Variants in MYEF2 observed in about 807,000 individuals in gnomAD.
MYEF2 encodes myelin expression factor 2, also known as myelin gene expression factor 2.
A neutral mutation model predicts 75.2 loss-of-function variants in MYEF2; 37 were observed. The ratio of observed to expected loss-of-function variants is 0.49; its 90% CI spans 0.38 to 0.65. The LOEUF is 0.65. MYEF2 is among the 30% of genes least tolerant of loss of function. The pLI, the probability that MYEF2 is intolerant of heterozygous loss-of-function variation, is 0.00. For missense variants in MYEF2, 634 were observed against 771.4 expected, an observed-to-expected ratio of 0.82 and a Z score of 2.11; for synonymous variants, 195 against 241.6, an observed-to-expected ratio of 0.81 and a Z score of 1.79.
rs1209281457 is a variant in MYEF2, at chr15:48,141,965, T to G, written c.*943A>C. ...AAAGTATCCAGTGTTTCTTTTCTTA[T>G]GAAGATTATTAATAAAACACAGTAT... On this transcript the variant is annotated 3_prime_UTR_variant, in exon 17 of 17. Coordinates refer to ENST00000324324, the MANE Select transcript of MYEF2 (RefSeq NM_016132.5). The G allele has an allele frequency of 1.2e-5, 14 of 1,203,768 alleles. No homozygotes were observed. In the Admixed American group the frequency reaches 1.7e-4, roughly 15 times the overall value. 74.6% of individuals were successfully genotyped at this position (1,203,768 alleles called of 1,614,324 possible). A position where few individuals can be genotyped will look rare whatever the true frequency, so the allele number is the denominator to read the frequency against.
chr15:48,178,272 C>T lies in MYEF2; in HGVS notation c.-35G>A. 7.3e-7 allele frequency: 1 copy of T among 1,367,804 alleles called. No homozygotes were observed. The highest frequency in any genetic ancestry group is 9.4e-7 in the Non-Finnish European group (1 of 1,064,396). 84.7% of individuals were successfully genotyped at this position (1,367,804 alleles called of 1,614,324 possible). A position where few individuals can be genotyped will look rare whatever the true frequency, so the allele number is the denominator to read the frequency against. ...GCTGCCTCCGCCTCGGCCGCCTGAG[C>T]TGAGGGGCTCCGAGCGCGACAATGG... is the stretch of plus-strand genomic sequence containing the variant. On this transcript the variant is annotated 5_prime_UTR_variant, in exon 1 of 17. Transcript: ENST00000324324.
At chr15:48,167,483 C>A in intron 2 of MYEF2, 82 bp from the exon 3 acceptor site, 6 of 1,276,468 alleles carry the variant, frequency 4.7e-6, no homozygotes, top group Non-Finnish European at 6.8e-6. Context: ...CACCTGTGCA[C>A]AACTCTACAG....
At chr15:48,155,130 T>G (rs916505032) in intron 9 of MYEF2, among the ~76,000 whole-genome samples, 4 of 151,920 alleles carry the variant, frequency 2.6e-5, no homozygotes, top group Non-Finnish European at 5.9e-5. Context: ...TGAAAAAAAC[T>G]ATCAAAGTGA....
In MYEF2 at chr15:48,153,830, A is replaced by C; in HGVS notation, c.1049T>G (p.Leu350Trp). The C allele has an allele frequency of 6.2e-7, 1 of 1,613,504 alleles. No individual in the cohort carries two copies. The highest frequency in any genetic ancestry group is 8.5e-7 in the Non-Finnish European group (1 of 1,179,612). The change falls in exon 10 of 17, where the codon TTG becomes TGG. Residue 350 changes from leucine to tryptophan, a missense_variant. By Grantham distance (61) the Leu-to-Trp change is moderately conservative (BLOSUM62 -2). Transcript: ENST00000324324. ...PGGQPISASQ[L>W]NIGGVMGNLG... ...ATTTCCCATTACTCCACCTATGTTC[A>C]ACTGGCTGGCACTAATAGGCTGTCC...
intron 1 of MYEF2, among the ~76,000 whole-genome samples, chr15:48,176,014 A>G (rs1053389561): frequency 6.6e-6 from 1 of 152,156 alleles, no homozygotes; most frequent in Non-Finnish European, 1.5e-5. Flanking sequence ...CCCACCCTCA[A>G]TAACTATGGA....
At position 48,136,777 on chromosome 15, in the gene MYEF2, A is replaced by C. The variant is rs373460072; in HGVS notation, c.*6131T>G. ...TAACCAATATATTATAAAGAAATGC[A>C]GTCCTTGCTGCGCCTGTCTTGCCAA... On this transcript the variant is annotated 3_prime_UTR_variant, in exon 17 of 17. Transcript: ENST00000324324. 10 of 1,613,644 alleles carry C rather than the reference A, an allele frequency of 6.2e-6. No individual in the cohort carries two copies. In the African/African-American group the frequency reaches 1.2e-4, roughly 19 times the overall value.
rs2039011663 is a variant in MYEF2 at position 48,139,949 on chromosome 15, A to G, written c.*2959T>C. ...TACATTGGCAAAGCTGAATAACTGC[A>G]ACAGAAATCACACAGCCTGCAAAGC... is the stretch of plus-strand genomic sequence containing the variant. On this transcript the variant is annotated 3_prime_UTR_variant, in exon 17 of 17. Coordinates refer to ENST00000324324, the MANE Select transcript of MYEF2 (RefSeq NM_016132.5). 1 of 152,128 alleles carries G rather than the reference A, an allele frequency of 6.6e-6. No individual in the cohort carries two copies. The highest frequency in any genetic ancestry group is 2.4e-5 in the African/African-American group (1 of 41,440). The allele number at this position is 152,128 out of a possible 1,614,324, so 9.4% of individuals were successfully genotyped here. A position where few individuals can be genotyped will look rare whatever the true frequency, so the allele number is the denominator to read the frequency against.
chr15:48,138,949 G>C lies in MYEF2; in HGVS notation c.*3959C>G. ...TAGCCATTTGAGAAAACTCAAAAGT[G>C]TTTACTTTTTCCACAACAGATCCAC... is the stretch of plus-strand genomic sequence containing the variant. On this transcript the variant is annotated 3_prime_UTR_variant, in exon 17 of 17. Coordinates refer to ENST00000324324, the MANE Select transcript of MYEF2 (RefSeq NM_016132.5). 2 of 1,584,054 alleles carry C rather than the reference G, an allele frequency of 1.3e-6. No individual in the cohort carries two copies. The highest frequency in any genetic ancestry group is 1.7e-6 in the Non-Finnish European group (2 of 1,161,652).
At position 48,141,296 on chromosome 15, in the gene MYEF2, C is replaced by CGAGGGAGGAGCCAAGATGGCCGAAT; in HGVS notation, c.*1611_*1612insATTCGGCCATCTTGGCTCCTCCCTC. On this transcript the variant is annotated 3_prime_UTR_variant, in exon 17 of 17. Transcript: ENST00000324324. ...AAGTAGCTTTAAAAATGTTTACTTC[C>CGAGGGAGGAGCCAAGATGGCCGAAT]AGCCGGGTGTGGTGGCTCGCGCCTG... 8.3e-7 allele frequency: 1 copy of CGAGGGAGGAGCCAAGATGGCCGAAT among 1,199,764 alleles called. No homozygotes were observed. Among genetic ancestry groups the CGAGGGAGGAGCCAAGATGGCCGAAT allele is most frequent in the Non-Finnish European group, 1.2e-6 (1 of 823,672 alleles). The allele number at this position is 1,199,764 out of a possible 1,614,324, so 74.3% of individuals were successfully genotyped here. A position where few individuals can be genotyped will look rare whatever the true frequency, so the allele number is the denominator to read the frequency against.
At chr15:48,151,812 G>T in intron 12 of MYEF2, 62 bp downstream of exon 12, 1 of 1,553,414 alleles carries the variant, frequency 6.4e-7, no homozygotes, top group Non-Finnish European at 8.9e-7. Flanking sequence ...TTATAGGGGG[G>T]AAATATTAAT....
chr15:48,154,073 A>C, intron 9 of MYEF2, 180 bp from the exon 10 acceptor site: 1 of 517,916 alleles, frequency 1.9e-6, no homozygotes, highest in East Asian at 3.1e-5. Context: ...CCGACTATAA[A>C]ACCATTTATT....
At chr15:48,170,956 AT>A (rs1416880453) in intron 1 of MYEF2, among the ~76,000 whole-genome samples, 2 of 151,984 alleles carry the variant, frequency 1.3e-5, no homozygotes, top group African/African-American at 2.4e-5. Flanking sequence ...TTGCTTTGCC[AT>A]TTTTTTTAGA....
chr15:48,148,036 A>T (rs2039354197), intron 16 of MYEF2, among the ~76,000 whole-genome samples: 2 of 152,158 alleles, frequency 1.3e-5, no homozygotes, highest in African/African-American at 4.8e-5. Context: ...AACTATTAAT[A>T]TAATAAAAGC....
intron 1 of MYEF2, among the ~76,000 whole-genome samples, chr15:48,172,605 C>A (rs1412989794): frequency 6.6e-6 from 1 of 151,072 alleles, no homozygotes; most frequent in Non-Finnish European, 1.5e-5. Context: ...TGACAAAGAT[C>A]AAACTAGATT....
chr15:48,159,185 C>T (rs2039835424), intron 6 of MYEF2, among the ~76,000 whole-genome samples: 1 of 151,974 alleles, frequency 6.6e-6, no homozygotes, highest in South Asian at 2.1e-4. Context: ...TTGAAACTTG[C>T]ATATCTATTT....
chr15:48,157,639 T>TA, intron 9 of MYEF2: 1 of 545,590 alleles, frequency 1.8e-6, no homozygotes, highest in Non-Finnish European at 2.4e-6. Context: ...CCCAACTATG[T>TA]AAAAAATATA....
rs1597328074 is a variant in MYEF2 at position 48,159,549 on chromosome 15, C to A, written c.717+64G>T. The A allele has an allele frequency of 2.9e-6, 4 of 1,391,120 alleles. No homozygotes were observed. In the East Asian group the frequency reaches 6.9e-5, roughly 24 times the overall value. 86.2% of individuals were successfully genotyped at this position (1,391,120 alleles called of 1,614,324 possible). On this transcript the variant is annotated intron_variant, in intron 6 of 16. Coordinates refer to ENST00000324324, the MANE Select transcript of MYEF2 (RefSeq NM_016132.5). ...CAAAATGTTCTATAAACCTATAACT[C>A]ATTCATTTAATCAAATTAGCTATCT...
At chr15:48,154,016 T>A in intron 9 of MYEF2, 123 bp from the exon 10 acceptor site, 1 of 663,370 alleles carries the variant, frequency 1.5e-6, no homozygotes, top group Non-Finnish European at 2.5e-6. Flanking sequence ...AATTTTCATA[T>A]AAAAGCACTG....
chr15:48,149,193 G>A lies in MYEF2; in HGVS notation c.1557C>T (p.Gly519=), dbSNP rs749452053. ...PMGSGMRERI[G]SKGNQIFVRN... is the part of the protein sequence containing the mutation. ...TGACAAATATCTGGTTGCCTTTGGA[G>A]CCTATTCTCTCTCTCATTCCGCTTC... Residue 519 remains glycine (G), a synonymous_variant, in exon 15 of 17, where the codon GGC becomes GGT. Coordinates refer to ENST00000324324, the MANE Select transcript of MYEF2 (RefSeq NM_016132.5). This position sits in a 1 kb window ranked among gnomAD's most constrained non-coding sequence, Gnocchi z 4.0. 2.5e-6 allele frequency: 4 copies of A among 1,613,352 alleles called. No individual in the cohort carries two copies. The highest frequency in any genetic ancestry group is 3.4e-6 in the Non-Finnish European group (4 of 1,179,430).
Sources: allele counts gnomAD v4.1 joint callset (sites outside exome capture counted in the v4.1 genomes callset), GRCh38; gene constraint gnomAD v4.1.1; non-coding constraint Gnocchi (gnomAD v3.1); transcripts MANE v1.5; gene names NCBI Gene and HGNC (gene_info 2026-07-23, HGNC 2026-07-21).